Variants in CNTLN observed in about 807,000 individuals in gnomAD.
CNTLN encodes the protein centlein, centrosomal protein.
A neutral mutation model predicts 180.0 loss-of-function variants in CNTLN; 212 were observed. The observed-to-expected ratio is 1.18, with a 90% CI of 1.05 to 1.32. CNTLN has a LOEUF of 1.32. Among genes scored for constraint, CNTLN ranks in the 40% most tolerant of loss-of-function variants. The pLI, the probability that CNTLN is intolerant of heterozygous loss-of-function variation, is 0.00. For missense variants in CNTLN, 2,095 were observed against 1,610.9 expected (o/e 1.30, Z -5.14); for synonymous variants, 722 against 563.1 (o/e 1.28, Z -3.99).
chr9:17,376,711 A>G (rs1249060683), intron 13 of CNTLN, among the ~76,000 whole-genome samples: 3 of 152,154 alleles, frequency 2.0e-5, no homozygotes, highest in Non-Finnish European at 2.9e-5. Context: ...TTGGCCTCCC[A>G]AAGTGCTGGG....
chr9:17,272,562 C>T (rs950881146), intron 5 of CNTLN, among the ~76,000 whole-genome samples: 5 of 152,136 alleles, frequency 3.3e-5, no homozygotes, highest in Admixed American at 1.3e-4. Context: ...GATCTTCTTT[C>T]CAGCCTGAGG....
chr9:17,244,192 T>C (rs114976542), intron 5 of CNTLN, among the ~76,000 whole-genome samples: 2,331 of 146,264 alleles, frequency 0.016, 60 homozygotes, highest in African/African-American at 0.059. Context: ...TCTGTATGTA[T>C]TTTTATAGGT....
chr9:17,315,738 T>C (rs1489198394), intron 8 of CNTLN, among the ~76,000 whole-genome samples: 1 of 152,052 alleles, frequency 6.6e-6, no homozygotes, highest in East Asian at 1.9e-4. Context: ...TCTGTTGTGG[T>C]TACTCTGATG....
intron 2 of CNTLN, among the ~76,000 whole-genome samples, chr9:17,153,121 T>C (rs1586930023): frequency 6.6e-6 from 1 of 152,192 alleles, no homozygotes; most frequent in East Asian, 1.9e-4. Context: ...AATTTGGCAG[T>C]CTGTGTCTTT....
intron 10 of CNTLN, among the ~76,000 whole-genome samples, chr9:17,334,207 G>T (rs1271173448): frequency 6.6e-6 from 1 of 152,038 alleles, no homozygotes; most frequent in African/African-American, 2.4e-5. Flanking sequence ...TTACAGGCGT[G>T]TGCCACCACT....
chr9:17,346,512 C>T (rs1821911433), intron 12 of CNTLN, among the ~76,000 whole-genome samples: 1 of 152,204 alleles, frequency 6.6e-6, no homozygotes, highest in Non-Finnish European at 1.5e-5. Flanking sequence ...AGAATTATAA[C>T]TTAGCAATTG....
rs775953389 is a variant in CNTLN at position 17,416,093 on chromosome 9, A to C, written c.3018A>C (p.Glu1006Asp). ...SVLQNAKKTAELSVKEYKEVN... is the reference protein window; with the variant it reads ...SVLQNAKKTADLSVKEYKEVN... ...TTCAGAATGCCAAGAAAACAGCAGA[A>C]TTGTCTGTTAAAGAATATAAAGAAG... Residue 1006 changes from glutamate (E) to aspartate (D), a missense_variant, in exon 18 of 26, where the codon GAA becomes GAC. Transcript: ENST00000380647. 1.4e-5 allele frequency: 22 copies of C among 1,613,540 alleles called. No homozygotes were observed. Among genetic ancestry groups the C allele is most frequent in the Admixed American group, 6.7e-5 (4 of 59,974 alleles).
intron 5 of CNTLN, among the ~76,000 whole-genome samples, chr9:17,237,612 G>A (rs889251020): frequency 2.6e-5 from 4 of 152,028 alleles, no homozygotes; most frequent in African/African-American, 7.2e-5. Flanking sequence ...ATATGGGAAC[G>A]TGTGTAGGGT....
intron 2 of CNTLN, among the ~76,000 whole-genome samples, chr9:17,195,016 A>G (rs1180946377): frequency 6.6e-6 from 1 of 152,144 alleles, no homozygotes; most frequent in Non-Finnish European, 1.5e-5. Context: ...CATAATTCAA[A>G]TGGTCTCCCA....
intron 2 of CNTLN, among the ~76,000 whole-genome samples, chr9:17,190,393 A>G (rs1165646155): frequency 6.6e-6 from 1 of 151,906 alleles, no homozygotes; most frequent in Admixed American, 6.6e-5. Flanking sequence ...TAATACATAT[A>G]TTGCATTGTG....
At chr9:17,249,413 A>T (rs1200945715) in intron 5 of CNTLN, among the ~76,000 whole-genome samples, 2 of 145,142 alleles carry the variant, frequency 1.4e-5, no homozygotes, top group African/African-American at 5.2e-5. Flanking sequence ...CAGTGGTGCA[A>T]TCTTGGCTCA....
At chr9:17,311,184 C>A (rs980554506) in intron 8 of CNTLN, among the ~76,000 whole-genome samples, 2 of 151,862 alleles carry the variant, frequency 1.3e-5, no homozygotes, top group African/African-American at 4.8e-5. Flanking sequence ...GCCACCACAC[C>A]TGGCTAATCT....
Position 17,494,967 on chromosome 9 carries a change from C to T in CNTLN, c.4120-7584C>T, listed in dbSNP as rs905477305. 38 of 449,696 alleles carry T rather than the reference C, an allele frequency of 8.5e-5. 1 individual carries two copies. The Middle Eastern group carries it at 1.2e-3, about 15-fold the overall frequency. The allele number at this position is 449,696 out of a possible 1,614,324, so 27.9% of individuals were successfully genotyped here. On this transcript the variant is annotated intron_variant, in intron 25 of 25. Transcript: ENST00000380647. ...CGCAATCGTGGCTCACCAAAACCTC[C>T]GCCTGCCAGACTCGAGCAGTTCTGC... is the stretch of plus-strand genomic sequence containing the variant.
intron 2 of CNTLN, chr9:17,166,760 A>G: frequency 3.5e-6 from 1 of 288,468 alleles, no homozygotes. Context: ...AGTTTAAAGT[A>G]ATAATAAAGA....
At position 17,178,485 on chromosome 9, in the gene CNTLN, G is replaced by T. The variant is rs575553422; in HGVS notation, c.449+35109G>T. Reference sequence around the variant, plus strand: ...GGAGTGGTGCTGGTTAGGGAGGCTCGGGCTGCCCGGGATCCCACAGCAGGG... The same window carrying T: ...GGAGTGGTGCTGGTTAGGGAGGCTCTGGCTGCCCGGGATCCCACAGCAGGG... On this transcript the variant is annotated intron_variant, in intron 2 of 25. Coordinates refer to ENST00000380647, the MANE Select transcript of CNTLN (RefSeq NM_017738.4). 2.0e-5 allele frequency among the ~76,000 whole-genome samples: 3 copies of T among 152,196 alleles called. No individual in the cohort carries two copies. In the East Asian group the frequency reaches 5.8e-4, roughly 30 times the overall value.
At chr9:17,366,810 C>G in intron 13 of CNTLN, 93 bp downstream of exon 13, 2 of 698,354 alleles carry the variant, frequency 2.9e-6, no homozygotes, top group Non-Finnish European at 2.4e-6. Flanking sequence ...GAATCTTACC[C>G]TTTTTGTTTC....
chr9:17,383,395 T>G (rs1251214405), intron 13 of CNTLN, among the ~76,000 whole-genome samples: 1 of 151,752 alleles, frequency 6.6e-6, no homozygotes, highest in East Asian at 2.0e-4. Context: ...ACACTTGTAC[T>G]ACCAGCTACT....
intron 1 of CNTLN, among the ~76,000 whole-genome samples, chr9:17,137,793 A>AT (rs1432509196): frequency 6.6e-6 from 1 of 152,198 alleles, no homozygotes; most frequent in East Asian, 1.9e-4. Flanking sequence ...TCCCCATACC[A>AT]TTCTACATCA....
chr9:17,361,141 A>G (rs1442375135), intron 12 of CNTLN, among the ~76,000 whole-genome samples: 3 of 152,118 alleles, frequency 2.0e-5, no homozygotes, highest in Non-Finnish European at 2.9e-5. Context: ...TACATGTGCC[A>G]TGTTGGTGTG....
Sources: allele counts gnomAD v4.1 joint callset (sites outside exome capture counted in the v4.1 genomes callset), GRCh38; gene constraint gnomAD v4.1.1; transcripts MANE v1.5; gene names NCBI Gene and HGNC (gene_info 2026-07-23, HGNC 2026-07-21).